CIDEA: variants seen among roughly 807,000 people sequenced by gnomAD.
The protein encoded by CIDEA is cell death inducing DFFA like effector a.
Under a neutral mutation model 18.2 loss-of-function variants are expected in CIDEA, and 10 were observed. The observed-to-expected ratio is 0.55, with a 90% confidence interval of 0.34 to 0.93. The LOEUF (loss-of-function observed/expected upper bound fraction) is 0.93. Ranked by LOEUF, CIDEA falls within the 40% of genes least tolerant of loss-of-function variation. The pLI is 0.02. For missense variants in CIDEA, 309 were observed against 293.1 expected (o/e 1.05, Z -0.40); for synonymous variants, 128 against 124.8 (o/e 1.03, Z -0.17).
At chr18:12,269,367 G>A (rs908475278) in intron 3 of CIDEA, among the ~76,000 whole-genome samples, 4 of 152,162 alleles carry the variant, frequency 2.6e-5, no homozygotes, top group African/African-American at 9.7e-5. Context: ...TCAGATAACT[G>A]AGGATATTCT....
intron 1 of CIDEA, among the ~76,000 whole-genome samples, chr18:12,258,516 A>G (rs1912100734): frequency 6.6e-6 from 1 of 152,242 alleles, no homozygotes; most frequent in Admixed American, 6.5e-5. Context: ...ATGCACCGCC[A>G]GACTCCGTGA....
At chr18:12,263,100 C>G in intron 2 of CIDEA, 131 bp downstream of exon 2, 1 of 898,560 alleles carries the variant, frequency 1.1e-6, no homozygotes, top group South Asian at 2.1e-5. Context: ...TGGGGGGAAA[C>G]GGGGAGAGAA....
chr18:12,262,824 G>A lies in CIDEA; in HGVS notation c.39-1G>A, dbSNP rs1212749926. On this transcript the variant is annotated splice_acceptor_variant, in intron 1 of 4. Coordinates refer to ENST00000320477, the MANE Select transcript of CIDEA (RefSeq NM_001279.4). LOFTEE classifies it high-confidence loss of function. Reference sequence around the variant, plus strand: ...GTTTTACTTTTCACCTCCATTTTCAGGCCCCTGACATTTATGGGATCACAG... The same window carrying A: ...GTTTTACTTTTCACCTCCATTTTCAAGCCCCTGACATTTATGGGATCACAG... 6.2e-7 allele frequency: 1 copy of A among 1,607,498 alleles called. No homozygotes were observed. Among genetic ancestry groups the A allele is most frequent in the Non-Finnish European group, 8.5e-7 (1 of 1,175,164 alleles).
At chr18:12,268,523 G>A (rs1479523317) in intron 3 of CIDEA, among the ~76,000 whole-genome samples, 1 of 151,380 alleles carries the variant, frequency 6.6e-6, no homozygotes, top group Non-Finnish European at 1.5e-5. Flanking sequence ...AAGTAGCTGG[G>A]ACTACAGGCA....
chr18:12,274,313 C>T (rs755253426), intron 4 of CIDEA, 39 bp downstream of exon 4: 6 of 1,601,232 alleles, frequency 3.7e-6, no homozygotes, highest in Non-Finnish European at 8.5e-7. Flanking sequence ...GGTCTGCAGA[C>T]TGCACAGGGT....
chr18:12,274,210 A>G lies in CIDEA; in HGVS notation c.448A>G (p.Thr150Ala). 6.2e-7 allele frequency: 1 copy of G among 1,614,208 alleles called. No homozygotes were observed. Among genetic ancestry groups the G allele is most frequent in the Non-Finnish European group, 8.5e-7 (1 of 1,180,038 alleles). Residue 150 changes from threonine to alanine, a missense_variant, in exon 4 of 5, where the codon ACC (threonine) becomes GCC (alanine). By Grantham distance (58) the Thr-to-Ala change is moderately conservative. Transcript: ENST00000320477. ...CATCGGCTGCCTTAACGTGAAGGCCACCATGTATGAGATGTACTCCGTGTC... is the reference window on the plus strand; with the variant it reads ...CATCGGCTGCCTTAACGTGAAGGCCGCCATGTATGAGATGTACTCCGTGTC... ...DFIGCLNVKA[T>A]MYEMYSVSYD...
Position 12,260,359 on chromosome 18 carries a change from A to G in CIDEA, c.39-2466A>G, listed in dbSNP as rs182373540. 3.4e-3 allele frequency among the ~76,000 whole-genome samples: 445 copies of G among 130,804 alleles called. 1 individual carries two copies. The highest frequency in any genetic ancestry group is 0.011 in the African/African-American group (423 of 39,922). The allele number at this position is 130,804 out of a possible 152,430, so 85.8% of individuals were successfully genotyped here. On this transcript the variant is annotated intron_variant, in intron 1 of 4. Transcript: ENST00000320477. Reference sequence around the variant, plus strand: ...CCTGACTAATTTTTTTTTTCAATTTATTTTTTGTAAAGATGAGGGTCTCAC... The same window carrying G: ...CCTGACTAATTTTTTTTTTCAATTTGTTTTTTGTAAAGATGAGGGTCTCAC...
intron 1 of CIDEA, among the ~76,000 whole-genome samples, chr18:12,256,978 G>A (rs374407366): frequency 2.0e-5 from 3 of 152,266 alleles, no homozygotes; most frequent in African/African-American, 4.8e-5. Context: ...CATATGTCAC[G>A]TCCAAGAGCC....
At chr18:12,273,445 G>T (rs1341644150) in intron 3 of CIDEA, among the ~76,000 whole-genome samples, 2 of 152,096 alleles carry the variant, frequency 1.3e-5, no homozygotes, top group Non-Finnish European at 2.9e-5. Flanking sequence ...ATTCTGTTCC[G>T]GTGCTGTTTA....
intron 3 of CIDEA, among the ~76,000 whole-genome samples, chr18:12,266,563 C>G (rs1912353903): frequency 6.6e-6 from 1 of 152,090 alleles, no homozygotes; most frequent in African/African-American, 2.4e-5. Flanking sequence ...CAACTAAAAT[C>G]AAGTAAATGG....
intron 4 of CIDEA, 143 bp from the exon 5 acceptor site, chr18:12,276,980 G>A (rs1332371008): frequency 1.1e-6 from 1 of 910,284 alleles, no homozygotes; most frequent in East Asian, 2.5e-5. Flanking sequence ...CGTGCACTCT[G>A]AGAGTCAGAC....
In CIDEA at chr18:12,254,809, C is replaced by T. The variant is rs1361101343; in HGVS notation, c.38+388C>T. The T allele has an allele frequency of 1.2e-5, 16 of 1,347,418 alleles. No individual in the cohort carries two copies. The Admixed American group carries it at 3.2e-4, about 27-fold the overall frequency. 83.5% of individuals were successfully genotyped at this position (1,347,418 alleles called of 1,614,324 possible). A position where few individuals can be genotyped will look rare whatever the true frequency, so the allele number is the denominator to read the frequency against. ...CCGGTCCCAGGAACCCCGAGCAAAG[C>T]TTCCGCGATGCGAGGGGACCGGGCT... is the stretch of plus-strand genomic sequence containing the variant. On this transcript the variant is annotated intron_variant, in intron 1 of 4. Transcript: ENST00000320477.
chr18:12,263,790 C>T (rs1421610406), intron 2 of CIDEA: 2 of 152,260 alleles, frequency 1.3e-5, no homozygotes, highest in African/African-American at 4.8e-5. Flanking sequence ...GAGAGACACT[C>T]AGCTACGCAC....
intron 3 of CIDEA, among the ~76,000 whole-genome samples, chr18:12,271,074 T>C (rs1176260012): frequency 6.6e-6 from 1 of 151,822 alleles, no homozygotes; most frequent in African/African-American, 2.4e-5. Context: ...AATTTTTGTA[T>C]TATTAGTAGA....
chr18:12,264,632 C>T (rs1912296042), intron 3 of CIDEA, among the ~76,000 whole-genome samples, 179 bp downstream of exon 3: 1 of 151,940 alleles, frequency 6.6e-6, no homozygotes, highest in Non-Finnish European at 1.5e-5. Context: ...CGGCTCACTG[C>T]AAGCTCCGCC....
chr18:12,256,495 A>G (rs951222618), intron 1 of CIDEA, among the ~76,000 whole-genome samples: 5 of 152,198 alleles, frequency 3.3e-5, no homozygotes, highest in Non-Finnish European at 4.4e-5. Context: ...TCTCACAACA[A>G]AGCTCCAGAC....
Position 12,277,196 on chromosome 18 carries a change from C to T in CIDEA, c.586C>T (p.Leu196Phe). The T allele has an allele frequency of 2.5e-6, 4 of 1,614,196 alleles. No homozygotes were observed. The highest frequency in any genetic ancestry group is 2.2e-5 in the South Asian group (2 of 91,078). Residue 196 changes from leucine (L) to phenylalanine (F), a missense_variant, in exon 5 of 5, where the codon CTC becomes TTC. By Grantham distance (22) the Leu-to-Phe change is conservative (BLOSUM62 0). Transcript: ENST00000320477. ...QFLIYLGTYM[L>F]RVLDDKEERP... ...TCTCATCTATCTGGGCACATACATG[C>T]TCCGGGTGCTGGATGACAAGGAAGA...
intron 3 of CIDEA, among the ~76,000 whole-genome samples, chr18:12,272,144 GT>G (rs1568105769): frequency 5.7e-4 from 9 of 15,686 alleles, no homozygotes; most frequent in Non-Finnish European, 1.5e-3. Context: ...CTTTGAGTGT[GT>G]GTGTGGGGGG....
At chr18:12,267,916 G>A (rs1411251033) in intron 3 of CIDEA, among the ~76,000 whole-genome samples, 2 of 152,074 alleles carry the variant, frequency 1.3e-5, no homozygotes, top group Non-Finnish European at 2.9e-5. Context: ...AGTGTGTAGA[G>A]ACCAGAGATG....
Sources: gnomAD v4.1 joint callset for allele counts (sites outside exome capture counted in the v4.1 genomes callset) on GRCh38, gnomAD v4.1.1 for gene constraint, MANE v1.5 for transcripts, NCBI Gene and HGNC (gene_info 2026-07-23, HGNC 2026-07-21) for gene names.